The following RANBP17 variants were observed in gnomAD, a reference collection of about 807,000 sequenced individuals.
RANBP17 encodes the protein RAN binding protein 17, also known as ran-binding protein 17.
In RANBP17, 158 loss-of-function variants were observed where a neutral mutation model predicts 141.2. That is an observed-to-expected ratio of 1.12 (90% CI 0.98 to 1.28). The LOEUF is 1.28. RANBP17 is among the 50% of genes most tolerant of loss of function. RANBP17 has a pLI of 0.00. For missense variants in RANBP17, 1,438 were observed against 1,290.7 expected (o/e 1.11, Z -1.75); for synonymous variants, 430 against 450.0 (o/e 0.96, Z 0.56).
At chr5:170,944,656 A>G (rs939730651) in intron 12 of RANBP17, among the ~76,000 whole-genome samples, 9 of 152,218 alleles carry the variant, frequency 5.9e-5, no homozygotes, top group Non-Finnish European at 1.2e-4. Context: ...GGTTTAAGAA[A>G]TATCTTCTTT....
At chr5:171,289,258 A>G (rs912722029) in intron 25 of RANBP17, among the ~76,000 whole-genome samples, 10 of 151,828 alleles carry the variant, frequency 6.6e-5, no homozygotes, top group Non-Finnish European at 1.3e-4. Context: ...GGCTTTTTCC[A>G]TTTTCTCAGC....
At chr5:170,969,787 C>T (rs532487419) in intron 14 of RANBP17, among the ~76,000 whole-genome samples, 4 of 151,988 alleles carry the variant, frequency 2.6e-5, no homozygotes, top group African/African-American at 4.8e-5. Flanking sequence ...ATTAGTTTTT[C>T]GTTTTTGAAA....
chr5:171,191,871 A>G (rs1407272200), intron 18 of RANBP17, among the ~76,000 whole-genome samples: 2 of 152,056 alleles, frequency 1.3e-5, no homozygotes, highest in East Asian at 1.9e-4. Context: ...TATTTGAACT[A>G]TTTGGTCCAA....
Position 171,170,143 on chromosome 5 carries a change from T to C in RANBP17, c.1724T>C (p.Met575Thr). The C allele has an allele frequency of 6.3e-7, 1 of 1,576,112 alleles. No individual in the cohort carries two copies. The highest frequency in any genetic ancestry group is 8.7e-7 in the Non-Finnish European group (1 of 1,155,310). Residue 575 changes from methionine (M) to threonine (T), a missense_variant, in exon 15 of 28, where the codon ATG becomes ACG. Coordinates refer to ENST00000523189, the MANE Select transcript of RANBP17 (RefSeq NM_022897.5). ...LQRTSKVYAR[M>T]SEVLGITDDN... is the part of the protein sequence containing the mutation. ...GTTTTAATGCAGGTATATGCTCGTA[T>C]GTCAGAAGTCTTAGGAATAACAGAT...
chr5:171,160,041 G>A (rs1023332668), intron 14 of RANBP17, among the ~76,000 whole-genome samples: 1 of 151,938 alleles, frequency 6.6e-6, no homozygotes, highest in Admixed American at 6.6e-5. Context: ...CTTACTCAGT[G>A]AGTTGAAAAC....
chr5:171,125,804 TTTTTGAGACGGAGTC>T (rs1427055968), intron 14 of RANBP17, among the ~76,000 whole-genome samples: 1 of 152,148 alleles, frequency 6.6e-6, no homozygotes, highest in Non-Finnish European at 1.5e-5. Flanking sequence ...TTTTTTTTTT[TTTTTGAGACGGAGTC>T]TTGCTCTGTC....
In RANBP17 at chr5:170,957,728, A is replaced by G. The variant is rs186628306; in HGVS notation, c.1574+4026A>G. Among the ~76,000 whole-genome samples the G allele has an allele frequency of 2.1e-3, 326 of 152,338 alleles. 2 individuals are homozygous for G. The highest frequency in any genetic ancestry group is 0.019 in the South Asian group (90 of 4,824). On this transcript the variant is annotated intron_variant, in intron 13 of 27. Coordinates refer to ENST00000523189, the MANE Select transcript of RANBP17 (RefSeq NM_022897.5). Reference sequence around the variant, plus strand: ...GTGCTATTTAGTGTTCTTAAATACAAGAAGGCTGTCATGTGCCATACATGG... The same window carrying G: ...GTGCTATTTAGTGTTCTTAAATACAGGAAGGCTGTCATGTGCCATACATGG...
At chr5:171,280,524 C>G (rs1767790011) in intron 25 of RANBP17, among the ~76,000 whole-genome samples, 1 of 152,146 alleles carries the variant, frequency 6.6e-6, no homozygotes, top group South Asian at 2.1e-4. Context: ...AAGTGATCCA[C>G]CCACCTCCCA....
chr5:170,997,565 C>G (rs1437918856), intron 14 of RANBP17, among the ~76,000 whole-genome samples: 1 of 152,182 alleles, frequency 6.6e-6, no homozygotes, highest in East Asian at 1.9e-4. Context: ...GTCTTTCTAG[C>G]ATGCTTGACA....
intron 22 of RANBP17, among the ~76,000 whole-genome samples, chr5:171,225,485 T>C (rs1008712664): frequency 7.2e-5 from 11 of 152,204 alleles, no homozygotes; most frequent in African/African-American, 1.9e-4. Flanking sequence ...GAAATTCTAA[T>C]ATACACATTG....
At chr5:170,896,189 T>A in intron 5 of RANBP17, 74 bp downstream of exon 5, 1 of 1,057,012 alleles carries the variant, frequency 9.5e-7, no homozygotes, top group Non-Finnish European at 1.4e-6. Flanking sequence ...CTTTTATTTG[T>A]GGCAAAATAG....
At chr5:171,287,412 C>A (rs1453372810) in intron 25 of RANBP17, among the ~76,000 whole-genome samples, 1 of 152,004 alleles carries the variant, frequency 6.6e-6, no homozygotes, top group Non-Finnish European at 1.5e-5. Flanking sequence ...ATTGCTTGAA[C>A]CCCGGAGGCG....
intron 22 of RANBP17, among the ~76,000 whole-genome samples, chr5:171,240,361 T>C (rs568181682): frequency 3.3e-5 from 5 of 152,144 alleles, no homozygotes; most frequent in Admixed American, 6.5e-5. Flanking sequence ...TGAAGAAGGA[T>C]CTAAGAAGAA....
At chr5:170,951,336 C>T (rs1581221441) in intron 12 of RANBP17, among the ~76,000 whole-genome samples, 2 of 151,960 alleles carry the variant, frequency 1.3e-5, no homozygotes, top group Non-Finnish European at 2.9e-5. Context: ...ACATGTACCC[C>T]ACAAGTATGA....
chr5:170,967,329 G>A (rs1776646439), intron 13 of RANBP17, among the ~76,000 whole-genome samples: 1 of 152,068 alleles, frequency 6.6e-6, no homozygotes, highest in Non-Finnish European at 1.5e-5. Flanking sequence ...GTGCATATAT[G>A]GAAGAAACTG....
chr5:171,282,470 T>C (rs1019733749), intron 25 of RANBP17, among the ~76,000 whole-genome samples: 23 of 148,776 alleles, frequency 1.5e-4, no homozygotes, highest in Non-Finnish European at 3.1e-4. Flanking sequence ...TTGTTGTTGT[T>C]GTTGTTGTTG....
At chr5:170,940,778 C>T (rs79783666) in intron 12 of RANBP17, among the ~76,000 whole-genome samples, 3,704 of 151,932 alleles carry the variant, frequency 0.024, 133 homozygotes, top group African/African-American at 0.085. Flanking sequence ...ACACTGGAAC[C>T]AACAGTTTGA....
intron 13 of RANBP17, among the ~76,000 whole-genome samples, chr5:170,966,280 T>C (rs536410382): frequency 1.3e-5 from 2 of 152,186 alleles, no homozygotes; most frequent in Non-Finnish European, 2.9e-5. Context: ...TGAACATTGA[T>C]GCAAAAATCC....
intron 14 of RANBP17, among the ~76,000 whole-genome samples, chr5:170,979,858 G>GA (rs1271634856): frequency 6.6e-6 from 1 of 152,200 alleles, no homozygotes; most frequent in Non-Finnish European, 1.5e-5. Context: ...AAAGATAGCA[G>GA]AAAATGTGGA....
Sources: allele counts gnomAD v4.1 joint callset (sites outside exome capture counted in the v4.1 genomes callset), GRCh38; gene constraint gnomAD v4.1.1; transcripts MANE v1.5; gene names NCBI Gene and HGNC (gene_info 2026-07-23, HGNC 2026-07-21).